Variants in TP53BP1 observed in about 807,000 individuals in gnomAD.
TP53BP1 encodes the protein TP53-binding protein 1.
A neutral mutation model predicts 200.8 loss-of-function variants in TP53BP1; 61 were observed. The observed-to-expected ratio is 0.30, with a 90% CI of 0.25 to 0.38. The LOEUF (loss-of-function observed/expected upper bound fraction) is 0.38, where lower values mean the gene tolerates loss of function less well. TP53BP1 is among the 10% of genes least tolerant of loss of function. The pLI is 1.00. For synonymous variants in TP53BP1, 822 were observed against 844.3 expected, an observed-to-expected ratio of 0.97 and a Z score of 0.46; for missense variants, 2,144 against 2,371.9, an observed-to-expected ratio of 0.90 and a Z score of 2.00.
rs201241595 is a variant in TP53BP1 at position 43,479,390 on chromosome 15, G to A, written c.788+7C>T. The A allele has an allele frequency of 1.2e-4, 192 of 1,591,248 alleles. No individual in the cohort carries two copies. The Middle Eastern group carries it at 2.0e-3, about 17-fold the overall frequency. On this transcript the variant is annotated splice_region_variant and intron_variant, in intron 7 of 27. Coordinates refer to ENST00000382044, the MANE Select transcript of TP53BP1 (RefSeq NM_001141980.3). ...CTCGTAAATCCTTTTTAGAAAGTTC[G>A]GCTTACCTTGCAGGTGGTGGATTTT...
In TP53BP1 at chr15:43,406,597, A is replaced by C. The variant is rs2044895279; in HGVS notation, c.*786T>G. On this transcript the variant is annotated 3_prime_UTR_variant, in exon 28 of 28. Coordinates refer to ENST00000382044, the MANE Select transcript of TP53BP1 (RefSeq NM_001141980.3). The stretch of plus-strand genomic sequence containing the variant: ...TGAAATATTTACTCTTTGACCCTTT[A>C]CAGAAAAAAACCTTGTTGACCCCTG... The C allele has an allele frequency of 2.2e-6, 1 of 455,960 alleles. No individual in the cohort carries two copies. The highest frequency in any genetic ancestry group is 4.4e-6 in the Non-Finnish European group (1 of 226,800). The allele number at this position is 455,960 out of a possible 1,614,324, so 28.2% of individuals were successfully genotyped here.
chr15:43,446,737 T>C lies in TP53BP1; in HGVS notation c.2837-147A>G, dbSNP rs558467377. 520 of 1,510,752 alleles carry C rather than the reference T, an allele frequency of 3.4e-4. 12 individuals are homozygous for C. In the South Asian group the frequency reaches 6.6e-3, roughly 19 times the overall value. The allele number at this position is 1,510,752 out of a possible 1,614,324, so 93.6% of individuals were successfully genotyped here. A position where few individuals can be genotyped will look rare whatever the true frequency, so the allele number is the denominator to read the frequency against. ...TCCTAGGATAGATCCCTGTCATAAG[T>C]ATCAACAACTACGAACTAGTATTGA... is the stretch of plus-strand genomic sequence containing the variant. On this transcript the variant is annotated intron_variant, in intron 13 of 27. Transcript: ENST00000382044.
chr15:43,447,825 T>C (rs1029157573), intron 12 of TP53BP1, among the ~76,000 whole-genome samples: 3 of 152,226 alleles, frequency 2.0e-5, no homozygotes, highest in African/African-American at 7.2e-5. Context: ...CATCAGGGGA[T>C]ATTTAGCAAT....
intron 27 of TP53BP1, 107 bp downstream of exon 27, chr15:43,407,836 T>C (rs1271350878): frequency 1.5e-5 from 18 of 1,170,916 alleles, no homozygotes; most frequent in Admixed American, 1.2e-4. Flanking sequence ...CTAAGAAACA[T>C]GGATACGGTC....
chr15:43,449,191 T>C (rs1322567285), intron 12 of TP53BP1, among the ~76,000 whole-genome samples: 1 of 152,128 alleles, frequency 6.6e-6, no homozygotes, highest in Non-Finnish European at 1.5e-5. Context: ...AATCTCAACA[T>C]TACATCTAAC....
intron 4 of TP53BP1, among the ~76,000 whole-genome samples, chr15:43,482,897 T>G (rs2078994355): frequency 6.6e-6 from 1 of 152,062 alleles, no homozygotes. Flanking sequence ...CCCACTGCAC[T>G]CCAGCCTGGG....
In TP53BP1 at chr15:43,455,907, A is replaced by C. The variant is rs1324780665; in HGVS notation, c.2701T>G (p.Cys901Gly). ...KPSAHASQSF[C>G]ESSSETPFHF... Reference sequence around the variant, plus strand: ...TCACACTCACCACTAGAACTTTCACAGAAGCTTTGTGAGGCATGGGCAGAG... The same window carrying C: ...TCACACTCACCACTAGAACTTTCACCGAAGCTTTGTGAGGCATGGGCAGAG... Residue 901 changes from cysteine (C) to glycine (G), a missense_variant, in exon 12 of 28, where the codon TGT becomes GGT. Physicochemically the swap from Cys to Gly is radical, Grantham distance 159. Transcript: ENST00000382044. 6.2e-7 allele frequency: 1 copy of C among 1,614,114 alleles called. No individual in the cohort carries two copies. The highest frequency in any genetic ancestry group is 1.1e-5 in the South Asian group (1 of 91,056).
At chr15:43,446,925 C>T (rs774436472) in intron 13 of TP53BP1, 3 of 668,546 alleles carry the variant, frequency 4.5e-6, no homozygotes, top group South Asian at 3.0e-5. Flanking sequence ...CTAGAGAAAA[C>T]AAATAGGTTA....
At chr15:43,408,178 T>G in intron 26 of TP53BP1, 90 bp from the exon 27 acceptor site, 2 of 1,328,058 alleles carry the variant, frequency 1.5e-6, no homozygotes, top group Non-Finnish European at 2.1e-6. Context: ...ATCTGAATGC[T>G]TTCAAAAATA....
intron 13 of TP53BP1, 79 bp downstream of exon 13, chr15:43,447,287 C>G: frequency 6.8e-7 from 1 of 1,476,416 alleles, no homozygotes; most frequent in Non-Finnish European, 9.2e-7. Flanking sequence ...CCCAACTCCT[C>G]AGATCTAAAA....
At chr15:43,469,827 T>C (rs969408327) in intron 11 of TP53BP1, 31 bp downstream of exon 11, 1 of 1,558,634 alleles carries the variant, frequency 6.4e-7, no homozygotes, top group Non-Finnish European at 8.8e-7. Flanking sequence ...AAAAATATGT[T>C]AGGAGAAACA....
At position 43,432,241 on chromosome 15, in the gene TP53BP1, T is replaced by C; in HGVS notation, c.3628A>G (p.Lys1210Glu). The change falls in exon 17 of 28, where the codon AAA becomes GAA. Residue 1210 changes from lysine to glutamate, a missense_variant. This residue lies in a region of TP53BP1 where 1,700 missense variants were observed against 1,710.3 expected (regional missense o/e 0.99). Transcript: ENST00000382044. ...TVQTERGSGE[K>E]PVSAPGDDTE... ...TCATCCCCAGGAGCACTGACTGGTT[T>C]CTCACCACTCCCCCTCTCAGTCTGA... 6.2e-7 allele frequency: 1 copy of C among 1,614,150 alleles called. No homozygotes were observed. Among genetic ancestry groups the C allele is most frequent in the Non-Finnish European group, 8.5e-7 (1 of 1,180,008 alleles).
intron 11 of TP53BP1, among the ~76,000 whole-genome samples, chr15:43,467,641 A>AC (rs888044151): frequency 2.0e-5 from 3 of 151,184 alleles, no homozygotes; most frequent in Admixed American, 1.3e-4. Flanking sequence ...CATCATCTCC[A>AC]CCCCCCCAAC....
At chr15:43,452,241 G>A (rs996224313) in intron 12 of TP53BP1, among the ~76,000 whole-genome samples, 1 of 152,114 alleles carries the variant, frequency 6.6e-6, no homozygotes, top group African/African-American at 2.4e-5. Flanking sequence ...TCTTCTGAAT[G>A]ATTTATTTTA....
At chr15:43,504,325 G>T (rs2079225268) in intron 1 of TP53BP1, among the ~76,000 whole-genome samples, 1 of 152,072 alleles carries the variant, frequency 6.6e-6, no homozygotes, top group Admixed American at 6.6e-5. Flanking sequence ...AAATACTATT[G>T]AATGAATGAA....
At chr15:43,460,557 G>GC (rs2046405537) in intron 11 of TP53BP1, among the ~76,000 whole-genome samples, 1 of 152,060 alleles carries the variant, frequency 6.6e-6, no homozygotes, top group Admixed American at 6.6e-5. Flanking sequence ...CCACGCTCAG[G>GC]CTTTTTTTCC....
Position 43,447,386 on chromosome 15 carries a change from T to C in TP53BP1, c.2816A>G (p.Lys939Arg). 1.9e-6 allele frequency: 3 copies of C among 1,601,036 alleles called. No homozygotes were observed. Among genetic ancestry groups the C allele is most frequent in the South Asian group, 1.1e-5 (1 of 87,542 alleles). ...PLIGHLKLEP[K>R]RHSTPIGISN... ...CTCACCAATAGGAGTACTGTGTCTC[T>C]TGGGCTCCAATTTTAGGTGCCCAAT... Residue 939 changes from lysine to arginine, a missense_variant, in exon 13 of 28, where the codon AAG (lysine) becomes AGG (arginine). Physicochemically the swap from Lys to Arg is conservative, Grantham distance 26. Around this residue, in one of 4 missense-constraint regions of TP53BP1, gnomAD observed 1,700 missense variants for 1,710.3 expected, o/e 0.99. Transcript: ENST00000382044.
intron 4 of TP53BP1, among the ~76,000 whole-genome samples, chr15:43,489,008 AT>A (rs1384497248): frequency 6.6e-6 from 1 of 152,236 alleles, no homozygotes; most frequent in Non-Finnish European, 1.5e-5. Flanking sequence ...TCCTCCTTTC[AT>A]ACTGCACATA....
At chr15:43,438,207 G>T in intron 16 of TP53BP1, 117 bp downstream of exon 16, 1 of 785,108 alleles carries the variant, frequency 1.3e-6, no homozygotes, top group Non-Finnish European at 2.0e-6. Flanking sequence ...TTGCACTGGG[G>T]GTTAAGTTTC....
Sources: allele counts gnomAD v4.1 joint callset (sites outside exome capture counted in the v4.1 genomes callset), GRCh38; gene constraint gnomAD v4.1.1; regional missense constraint gnomAD v4.1.1; transcripts MANE v1.5; gene names NCBI Gene and HGNC (gene_info 2026-07-23, HGNC 2026-07-21).